The following MBLAC2 variants were observed in gnomAD, a reference collection of about 807,000 sequenced individuals.
MBLAC2 encodes the protein metallo-beta-lactamase domain containing 2.
In MBLAC2, 24 loss-of-function variants were observed where a neutral mutation model predicts 23.3. The observed-to-expected ratio is 1.03, with a 90% CI of 0.75 to 1.45. MBLAC2 has a LOEUF of 1.45. Ranked by LOEUF, MBLAC2 falls within the 40% of genes most tolerant of loss-of-function variation. The pLI, the probability that MBLAC2 is intolerant of heterozygous loss-of-function variation, is 0.00. For missense variants in MBLAC2, 358 were observed against 370.0 expected, an observed-to-expected ratio of 0.97 and a Z score of 0.27; for synonymous variants, 162 against 150.9, an observed-to-expected ratio of 1.07 and a Z score of -0.54.
chr5:90,462,150 A>C (rs1016566754), intron 1 of MBLAC2, among the ~76,000 whole-genome samples: 2 of 152,104 alleles, frequency 1.3e-5, no homozygotes, highest in Non-Finnish European at 1.5e-5. Context: ...TTAATCTCTG[A>C]CCCAGGAACC....
intron 1 of MBLAC2, among the ~76,000 whole-genome samples, chr5:90,467,753 GC>G (rs139759718): frequency 0.24 from 34,854 of 143,968 alleles, 4,410 homozygotes; most frequent in Admixed American, 0.28. Context: ...TTTGGGGGGG[GC>G]GGTTTGTTTG....
In MBLAC2 at chr5:90,461,391, T is replaced by A. The variant is rs1380449903; in HGVS notation, c.616A>T (p.Ser206Cys). ...CGTTCACAAGTTCCAACATAGTCAC[T>A]TATCCTGCTGTATGGGAGCCAGTCA... is the stretch of plus-strand genomic sequence containing the variant. The part of the protein sequence containing the change: ...LIDWLPYSRI[S>C]DYVGTCERLI... Residue 206 changes from serine (S) to cysteine (C), a missense_variant, in exon 2 of 2, where the codon AGT becomes TGT. Physicochemically the swap from Ser to Cys is moderately radical, Grantham distance 112 (BLOSUM62 -1). Transcript: ENST00000316610. 1.4e-5 allele frequency: 22 copies of A among 1,614,064 alleles called. No individual in the cohort carries two copies. The highest frequency in any genetic ancestry group is 1.7e-5 in the Non-Finnish European group (20 of 1,180,022).
In MBLAC2 at chr5:90,474,280, CG is replaced by C. The variant is rs1181394497; in HGVS notation, c.12del (p.Glu5SerfsTer8). MSA[L>X]EWYAHKSLGD... ...CCTAGAGACTTGTGGGCGTACCACTCGAGCGCCGACATGCTGGGCAGGGGTG... is the reference window on the plus strand; with the variant it reads ...CCTAGAGACTTGTGGGCGTACCACTCAGCGCCGACATGCTGGGCAGGGGTG... On this transcript the variant is annotated frameshift_variant, in exon 1 of 2. Transcript: ENST00000316610. LOFTEE classifies it high-confidence loss of function. 1.9e-6 allele frequency: 3 copies of C among 1,612,966 alleles called. No individual in the cohort carries two copies. Among genetic ancestry groups the C allele is most frequent in the Non-Finnish European group, 2.5e-6 (3 of 1,179,738 alleles).
chr5:90,473,780 G>A, intron 1 of MBLAC2, 59 bp downstream of exon 1: 6 of 1,478,420 alleles, frequency 4.1e-6, no homozygotes, highest in Non-Finnish European at 4.6e-6. Context: ...GCGGCACTCG[G>A]ACAGTCTCTT....
Position 90,474,298 on chromosome 5 carries a change from G to A in MBLAC2, c.-6C>T, listed in dbSNP as rs756460082. 7 of 1,611,868 alleles carry A rather than the reference G, an allele frequency of 4.3e-6. No homozygotes were observed. Among genetic ancestry groups the A allele is most frequent in the South Asian group, 2.2e-5 (2 of 90,776 alleles). Reference sequence around the variant, plus strand: ...TACCACTCGAGCGCCGACATGCTGGGCAGGGGTGCAGCCAGGCGGGGTGAG... The same window carrying A: ...TACCACTCGAGCGCCGACATGCTGGACAGGGGTGCAGCCAGGCGGGGTGAG... On this transcript the variant is annotated 5_prime_UTR_variant, in exon 1 of 2. Coordinates refer to ENST00000316610, the MANE Select transcript of MBLAC2 (RefSeq NM_203406.2).
In MBLAC2 at chr5:90,474,294, C is replaced by G. The variant is rs781566837; in HGVS notation, c.-2G>C. On this transcript the variant is annotated 5_prime_UTR_variant, in exon 1 of 2. Coordinates refer to ENST00000316610, the MANE Select transcript of MBLAC2 (RefSeq NM_203406.2). ...GGCGTACCACTCGAGCGCCGACATG[C>G]TGGGCAGGGGTGCAGCCAGGCGGGG... The G allele has an allele frequency of 6.2e-7, 1 of 1,612,574 alleles. No homozygotes were observed. The highest frequency in any genetic ancestry group is 8.5e-7 in the Non-Finnish European group (1 of 1,179,460).
At chr5:90,463,010 A>G (rs1750389841) in intron 1 of MBLAC2, among the ~76,000 whole-genome samples, 1 of 152,256 alleles carries the variant, frequency 6.6e-6, no homozygotes, top group South Asian at 2.1e-4. Context: ...AAAATCATAC[A>G]AAGTATGTTC....
rs1018481220 is a variant in MBLAC2 at position 90,461,098 on chromosome 5, T to C, written c.*69A>G. On this transcript the variant is annotated 3_prime_UTR_variant, in exon 2 of 2. Coordinates refer to ENST00000316610, the MANE Select transcript of MBLAC2 (RefSeq NM_203406.2). ...AAAGCACTTCATGAAATGCTCACTATTAATCAGTTAAATAGCACAGAATGA... is the reference window on the plus strand; with the variant it reads ...AAAGCACTTCATGAAATGCTCACTACTAATCAGTTAAATAGCACAGAATGA... 1.4e-5 allele frequency: 18 copies of C among 1,275,134 alleles called. No individual in the cohort carries two copies. In the African/African-American group the frequency reaches 2.6e-4, roughly 18 times the overall value. The allele number at this position is 1,275,134 out of a possible 1,614,324, so 79.0% of individuals were successfully genotyped here.
rs1053842259 is a variant in MBLAC2, at chr5:90,474,742, G to T, written c.-450C>A. 5.2e-6 allele frequency: 1 copy of T among 191,524 alleles called. No homozygotes were observed. The highest frequency in any genetic ancestry group is 1.1e-5 in the Non-Finnish European group (1 of 93,846). The allele number at this position is 191,524 out of a possible 1,614,324, so 11.9% of individuals were successfully genotyped here. A position where few individuals can be genotyped will look rare whatever the true frequency, so the allele number is the denominator to read the frequency against. Reference sequence around the variant, plus strand: ...TGCAGGGCGCGCACTCCCAGCTGGCGCAGAAAGTGTGGGGCCTCGCGGGTT... The same window carrying T: ...TGCAGGGCGCGCACTCCCAGCTGGCTCAGAAAGTGTGGGGCCTCGCGGGTT... On this transcript the variant is annotated 5_prime_UTR_variant, in exon 1 of 2. Transcript: ENST00000316610.
chr5:90,467,821 G>A (rs1347767516), intron 1 of MBLAC2, among the ~76,000 whole-genome samples: 1 of 151,986 alleles, frequency 6.6e-6, no homozygotes, highest in Non-Finnish European at 1.5e-5. Flanking sequence ...TATGCTTTAA[G>A]GAAGATTCTA....
At chr5:90,467,042 CAGG>C (rs1252507329) in intron 1 of MBLAC2, among the ~76,000 whole-genome samples, 1 of 152,264 alleles carries the variant, frequency 6.6e-6, no homozygotes, top group South Asian at 2.1e-4. Flanking sequence ...GAGGCTGAGG[CAGG>C]AGAATCGCTT....
chr5:90,458,803 T>C lies in MBLAC2; in HGVS notation c.*2364A>G, dbSNP rs1322104675. 6.6e-6 allele frequency: 1 copy of C among 152,230 alleles called. No homozygotes were observed. Among genetic ancestry groups the C allele is most frequent in the Non-Finnish European group, 1.5e-5 (1 of 68,012 alleles). 9.4% of individuals were successfully genotyped at this position (152,230 alleles called of 1,614,324 possible). A position where few individuals can be genotyped will look rare whatever the true frequency, so the allele number is the denominator to read the frequency against. ...AGATTAAATTAAATAATGCATATTT[T>C]AAATGTACAGCATGGGCACTCAATA... On this transcript the variant is annotated 3_prime_UTR_variant, in exon 2 of 2. Transcript: ENST00000316610.
chr5:90,461,338 C>T lies in MBLAC2; in HGVS notation c.669G>A (p.Leu223=), dbSNP rs1265789902. 1 of 1,614,058 alleles carries T rather than the reference C, an allele frequency of 6.2e-7. No individual in the cohort carries two copies. Among genetic ancestry groups the T allele is most frequent in the Non-Finnish European group, 8.5e-7 (1 of 1,180,028 alleles). ...AGTGCCCAGGAAGCACCTTCTCTACCAGACCTCTGTCCACTAATTCTATTA... is the reference window on the plus strand; with the variant it reads ...AGTGCCCAGGAAGCACCTTCTCTACTAGACCTCTGTCCACTAATTCTATTA... ...ERLIELVDRG[L]VEKVLPGHFN... Residue 223 remains leucine, a synonymous_variant, in exon 2 of 2, where the codon CTG becomes CTA. Coordinates refer to ENST00000316610, the MANE Select transcript of MBLAC2 (RefSeq NM_203406.2).
chr5:90,468,122 G>T (rs1490880085), intron 1 of MBLAC2, among the ~76,000 whole-genome samples: 1 of 152,122 alleles, frequency 6.6e-6, no homozygotes, highest in Non-Finnish European at 1.5e-5. Flanking sequence ...CAGCTCTTAA[G>T]ATTCTTTCCT....
At chr5:90,467,610 G>GAC (rs1750470401) in intron 1 of MBLAC2, among the ~76,000 whole-genome samples, 1 of 152,098 alleles carries the variant, frequency 6.6e-6, no homozygotes, top group African/African-American at 2.4e-5. Flanking sequence ...AACTTGGTTG[G>GAC]TGAATTCTTA....
Position 90,474,079 on chromosome 5 carries a change from C to A in MBLAC2, c.214G>T (p.Ala72Ser). The change falls in exon 1 of 2, where the codon GCG becomes TCG. Residue 72 changes from alanine (A) to serine (S), a missense_variant. Coordinates refer to ENST00000316610, the MANE Select transcript of MBLAC2 (RefSeq NM_203406.2). ...LLQDREAKED[A>S]ARRPLLAVAT... is the part of the protein sequence containing the mutation. Reference sequence around the variant, plus strand: ...ACGGCAAGCAGTGGCCGGCGCGCCGCGTCCTCTTTGGCCTCTCGGTCCTGC... The same window carrying A: ...ACGGCAAGCAGTGGCCGGCGCGCCGAGTCCTCTTTGGCCTCTCGGTCCTGC... 1.3e-6 allele frequency: 2 copies of A among 1,575,344 alleles called. No individual in the cohort carries two copies. Among genetic ancestry groups the A allele is most frequent in the Non-Finnish European group, 1.7e-6 (2 of 1,160,724 alleles).
intron 1 of MBLAC2, among the ~76,000 whole-genome samples, chr5:90,461,782 G>T (rs1473432204): frequency 2.0e-5 from 3 of 152,174 alleles, no homozygotes; most frequent in East Asian, 3.8e-4. Flanking sequence ...ACTTCTACAG[G>T]CTATCATGAT....
rs1293996065 is a variant in MBLAC2 at position 90,474,085 on chromosome 5, C to CT, written c.207dup (p.Glu70ArgfsTer46). The CT allele has an allele frequency of 1.3e-6, 2 of 1,575,138 alleles. No individual in the cohort carries two copies. Reference sequence around the variant, plus strand: ...AGCAGTGGCCGGCGCGCCGCGTCCTCTTTGGCCTCTCGGTCCTGCAAGAGG... The same window carrying CT: ...AGCAGTGGCCGGCGCGCCGCGTCCTCTTTTGGCCTCTCGGTCCTGCAAGAGG... On this transcript the variant is annotated frameshift_variant, in exon 1 of 2. Transcript: ENST00000316610. LOFTEE classifies it high-confidence loss of function.
At chr5:90,468,788 T>A (rs1025933345) in intron 1 of MBLAC2, among the ~76,000 whole-genome samples, 2 of 152,072 alleles carry the variant, frequency 1.3e-5, no homozygotes, top group Non-Finnish European at 2.9e-5. Context: ...CTCAAAACCA[T>A]GCAAATATAT....
Sources: allele counts gnomAD v4.1 joint callset (sites outside exome capture counted in the v4.1 genomes callset), GRCh38; gene constraint gnomAD v4.1.1; transcripts MANE v1.5; gene names NCBI Gene and HGNC (gene_info 2026-07-23, HGNC 2026-07-21).